RAB11B: variants seen among roughly 807,000 people sequenced by gnomAD.
The protein encoded by RAB11B is RAB11B, member RAS oncogene family.
Under a neutral mutation model 23.7 loss-of-function variants are expected in RAB11B, and 7 were observed. The observed-to-expected ratio is 0.29, with a 90% CI of 0.17 to 0.55. The LOEUF (loss-of-function observed/expected upper bound fraction) is 0.55, where lower values mean the gene tolerates loss of function less well. RAB11B is among the 20% of genes least tolerant of loss of function. The probability of loss-of-function intolerance (pLI) is 0.93; values close to 1 mark genes in which losing one functional copy is unlikely to be tolerated. For synonymous variants in RAB11B, 138 were observed against 132.0 expected (o/e 1.05, Z -0.31); for missense variants, 189 against 320.0 (o/e 0.59, Z 3.12).
At position 8,404,133 on chromosome 19, in the gene RAB11B, CCTCTCCT is replaced by C. The variant is rs1971461890; in HGVS notation, c.*576_*582del. On this transcript the variant is annotated 3_prime_UTR_variant, in exon 5 of 5. Transcript: ENST00000328024. ...TCCCCCCCTCTCCCCTCTCCCCTCC[CCTCTCCT>C]GCACGCAACGCGCCCTCTCGGCCCT... 6.5e-6 allele frequency: 1 copy of C among 152,712 alleles called. No homozygotes were observed. Among genetic ancestry groups the C allele is most frequent in the Non-Finnish European group, 1.5e-5 (1 of 68,422 alleles). 9.5% of individuals were successfully genotyped at this position (152,712 alleles called of 1,614,324 possible). A position where few individuals can be genotyped will look rare whatever the true frequency, so the allele number is the denominator to read the frequency against.
intron 1 of RAB11B, among the ~76,000 whole-genome samples, chr19:8,392,555 G>A (rs1971364579): frequency 6.6e-6 from 1 of 151,970 alleles, no homozygotes; most frequent in Non-Finnish European, 1.5e-5. Context: ...CAAGCTAGTT[G>A]GTAGCAAAAA....
At position 8,393,388 on chromosome 19, in the gene RAB11B, G is replaced by A. The variant is rs62117516; in HGVS notation, c.40+2932G>A. On this transcript the variant is annotated intron_variant, in intron 1 of 4. Transcript: ENST00000328024. ...GGAGGACATGGGTCGTGGGGGAAAC[G>A]GGCCGCAGCTGCCCCAGGCCCTGTC... Among the ~76,000 whole-genome samples, 585 of 152,258 alleles carry A rather than the reference G, an allele frequency of 3.8e-3. 1 individual carries two copies. The highest frequency in any genetic ancestry group is 7.3e-3 in the Admixed American group (112 of 15,304).
At chr19:8,394,076 C>T (rs754671) in intron 1 of RAB11B, among the ~76,000 whole-genome samples, 107,873 of 152,106 alleles carry the variant, frequency 0.71, 38,655 homozygotes, top group African/African-American at 0.73. Context: ...AAGTTTTCAT[C>T]CCCAGCCTGC....
At chr19:8,391,194 C>G (rs544769159) in intron 1 of RAB11B, among the ~76,000 whole-genome samples, 3 of 152,364 alleles carry the variant, frequency 2.0e-5, no homozygotes, top group Non-Finnish European at 4.4e-5. Context: ...GAGGTTGATA[C>G]TAACCAGCCT....
intron 1 of RAB11B, 97 bp from the exon 2 acceptor site, chr19:8,399,766 G>T: frequency 7.2e-7 from 1 of 1,393,500 alleles, no homozygotes; most frequent in Non-Finnish European, 9.9e-7. Context: ...ACCGTTGGCA[G>T]CCGCGTTGGT....
rs1038448370 is a variant in RAB11B at position 8,403,913 on chromosome 19, C to T, written c.*355C>T. 40 of 216,540 alleles carry T rather than the reference C, an allele frequency of 1.8e-4. No individual in the cohort carries two copies. The highest frequency in any genetic ancestry group is 9.8e-5 in the South Asian group (1 of 10,242). 13.4% of individuals were successfully genotyped at this position (216,540 alleles called of 1,614,324 possible). A position where few individuals can be genotyped will look rare whatever the true frequency, so the allele number is the denominator to read the frequency against. On this transcript the variant is annotated 3_prime_UTR_variant, in exon 5 of 5. Transcript: ENST00000328024. ...CTCTAGGGAGCGATTGCCTCCCTCC[C>T]TCCGTGACCGGGTGGCCCAGCCAGC...
chr19:8,394,113 G>A (rs531782865), intron 1 of RAB11B, among the ~76,000 whole-genome samples: 245 of 152,246 alleles, frequency 1.6e-3, no homozygotes, highest in Non-Finnish European at 2.3e-3. Context: ...CCACTGCCCC[G>A]CTGGCCACCT....
At chr19:8,393,376 C>T (rs976932437) in intron 1 of RAB11B, among the ~76,000 whole-genome samples, 2 of 152,152 alleles carry the variant, frequency 1.3e-5, no homozygotes, top group Non-Finnish European at 2.9e-5. Context: ...GGACATGGGT[C>T]GTGGGGGAAA....
intron 1 of RAB11B, among the ~76,000 whole-genome samples, chr19:8,391,096 A>G (rs1311368251): frequency 6.6e-6 from 1 of 152,092 alleles, no homozygotes; most frequent in African/African-American, 2.4e-5. Context: ...CCATCTCTTC[A>G]CTCAGAACTC....
intron 2 of RAB11B, 106 bp from the exon 3 acceptor site, chr19:8,401,980 C>T (rs774937234): frequency 2.5e-5 from 29 of 1,178,758 alleles, no homozygotes; most frequent in South Asian, 4.8e-5. Flanking sequence ...CCCCTTGGCT[C>T]GGCCCTGGAC....
intron 1 of RAB11B, 133 bp downstream of exon 1, chr19:8,390,589 G>A: frequency 1.0e-6 from 1 of 997,284 alleles, no homozygotes; most frequent in Non-Finnish European, 1.3e-6. Flanking sequence ...AGGCAGCCGG[G>A]AAGGCCGGAG....
At chr19:8,401,467 C>T (rs1156599152) in intron 2 of RAB11B, among the ~76,000 whole-genome samples, 1 of 149,306 alleles carries the variant, frequency 6.7e-6, no homozygotes, top group Non-Finnish European at 1.5e-5. Context: ...CAACCTCCGC[C>T]CCCCGCCCCC....
intron 1 of RAB11B, among the ~76,000 whole-genome samples, chr19:8,393,367 G>A (rs986986494): frequency 3.9e-5 from 6 of 152,164 alleles, no homozygotes; most frequent in Admixed American, 6.5e-5. Context: ...GGCCCTGGAG[G>A]ACATGGGTCG....
intron 1 of RAB11B, among the ~76,000 whole-genome samples, chr19:8,391,836 C>T (rs773784564): frequency 6.6e-6 from 1 of 151,838 alleles, no homozygotes; most frequent in Non-Finnish European, 1.5e-5. Flanking sequence ...CTGGGCTGTC[C>T]GTGTGGCGAA....
chr19:8,402,962 C>T, intron 4 of RAB11B: 1 of 380,214 alleles, frequency 2.6e-6, no homozygotes, highest in Non-Finnish European at 4.7e-6. Flanking sequence ...TGCACCTGGC[C>T]TGTTTGATTT....
intron 4 of RAB11B, chr19:8,402,992 A>C: frequency 2.9e-6 from 1 of 340,934 alleles, no homozygotes; most frequent in Non-Finnish European, 5.4e-6. Flanking sequence ...ACCACCCCTA[A>C]CCTTTGCTTT....
chr19:8,393,290 A>G (rs893477064), intron 1 of RAB11B, among the ~76,000 whole-genome samples: 2 of 152,142 alleles, frequency 1.3e-5, no homozygotes, highest in African/African-American at 4.8e-5. Flanking sequence ...TGTGTCCCCA[A>G]GGGCCACTGA....
chr19:8,393,858 G>T (rs990582818), intron 1 of RAB11B, among the ~76,000 whole-genome samples: 3 of 152,218 alleles, frequency 2.0e-5, no homozygotes, highest in Non-Finnish European at 4.4e-5. Context: ...CATGGGGCAG[G>T]CCAGGGCACC....
chr19:8,390,644 G>A (rs1423161581), intron 1 of RAB11B, 188 bp downstream of exon 1: 1 of 556,104 alleles, frequency 1.8e-6, no homozygotes, highest in Non-Finnish European at 2.8e-6. Flanking sequence ...GCGGCTATAC[G>A]GAGCCGGAGG....
Sources: allele counts gnomAD v4.1 joint callset (sites outside exome capture counted in the v4.1 genomes callset), GRCh38; gene constraint gnomAD v4.1.1; transcripts MANE v1.5; gene names NCBI Gene and HGNC (gene_info 2026-07-23, HGNC 2026-07-21).